DMD: variants seen among roughly 807,000 people sequenced by gnomAD.
DMD encodes dystrophin, also known as mutant dystrophin.
Under a neutral mutation model 330.1 loss-of-function variants are expected in DMD, and 63 were observed. That is an observed-to-expected ratio of 0.19 (90% CI 0.16 to 0.24). The LOEUF (loss-of-function observed/expected upper bound fraction) is 0.24. Ranked by LOEUF, DMD falls within the 10% of genes least tolerant of loss-of-function variation. The pLI is 1.00. For missense variants in DMD, 3,344 were observed against 2,684.1 expected, an observed-to-expected ratio of 1.25 and a Z score of -5.43; for synonymous variants, 1,223 against 959.8, an observed-to-expected ratio of 1.27 and a Z score of -5.07.
chrX:31,238,440 C>A (rs2047941902), intron 63 of DMD, among the ~76,000 whole-genome samples: 1 of 111,837 alleles, frequency 8.9e-6, no homozygotes, highest in Admixed American at 9.5e-5. Context: ...TTTTTGTATG[C>A]AAGTATTCCC....
intron 7 of DMD, among the ~76,000 whole-genome samples, chrX:32,735,578 A>G (rs2068345865): frequency 9.0e-6 from 1 of 111,197 alleles, no homozygotes; most frequent in African/African-American, 3.3e-5. Context: ...ATATAGATCA[A>G]TGGAACAGAA....
intron 9 of DMD, among the ~76,000 whole-genome samples, chrX:32,648,814 T>A (rs1176199782): frequency 8.9e-6 from 1 of 111,879 alleles, no homozygotes. Flanking sequence ...TATGTTTTTA[T>A]CATCACAGAA....
intron 9 of DMD, among the ~76,000 whole-genome samples, chrX:32,653,310 G>C (rs774396726): frequency 8.9e-6 from 1 of 111,732 alleles, no homozygotes; most frequent in African/African-American, 3.3e-5. Context: ...TTAAGTCTTT[G>C]ATCCATCTTG....
At chrX:31,698,035 T>G (rs1159783977) in intron 52 of DMD, among the ~76,000 whole-genome samples, 1 of 112,108 alleles carries the variant, frequency 8.9e-6, no homozygotes, top group Non-Finnish European at 1.9e-5. Flanking sequence ...TAAAGCAAGG[T>G]GCTACTGCTT....
At chrX:32,393,313 G>A (rs1317543374) in intron 30 of DMD, among the ~76,000 whole-genome samples, 1 of 111,351 alleles carries the variant, frequency 9.0e-6, no homozygotes, top group African/African-American at 3.3e-5. Context: ...GAGACAAGGT[G>A]TGGAGACAGG....
At chrX:32,807,687 T>C (rs1005978860) in intron 7 of DMD, among the ~76,000 whole-genome samples, 11 of 111,348 alleles carry the variant, frequency 9.9e-5, no homozygotes, top group African/African-American at 3.3e-4. Context: ...TAAAATTGTT[T>C]TTATTCATTT....
chrX:32,798,747 G>A (rs766693991), intron 7 of DMD, among the ~76,000 whole-genome samples: 4 of 111,339 alleles, frequency 3.6e-5, no homozygotes, highest in Admixed American at 9.6e-5. Flanking sequence ...TATTGCAATC[G>A]CATTAGATTT....
rs1370627309 is a variant in DMD, at chrX:31,774,188, A to G, written c.7314T>C (p.Pro2438=). 8.3e-7 allele frequency: 1 copy of G among 1,198,337 alleles called. No individual in the cohort carries two copies. Among genetic ancestry groups the G allele is most frequent in the Non-Finnish European group, 1.1e-6 (1 of 886,469 alleles). The change falls in exon 51 of 79, where the codon CCT becomes CCC. Residue 2438 remains proline (P), a synonymous_variant. Coordinates refer to ENST00000357033, the MANE Select transcript of DMD (RefSeq NM_004006.3). ...APGLTTIGAS[P]TQTVTLVTQP... ...GTGTCACCAGAGTAACAGTCTGAGTAGGAGCTAAAATATTTTGGGTTTTTG... is the reference window on the plus strand; with the variant it reads ...GTGTCACCAGAGTAACAGTCTGAGTGGGAGCTAAAATATTTTGGGTTTTTG...
chrX:32,750,198 T>C (rs746130587), intron 7 of DMD, among the ~76,000 whole-genome samples: 3 of 112,294 alleles, frequency 2.7e-5, no homozygotes. Context: ...TCATAAACTC[T>C]ATGAAAACTA....
chrX:32,890,409 G>A (rs1473660097), intron 2 of DMD, among the ~76,000 whole-genome samples: 1 of 102,667 alleles, frequency 9.7e-6, no homozygotes, highest in East Asian at 3.1e-4. Context: ...CCAGTCTATT[G>A]ACAGGAGCTG....
chrX:33,290,797 C>T (rs1293657043), intron 1 of DMD, among the ~76,000 whole-genome samples: 1 of 111,182 alleles, frequency 9.0e-6, no homozygotes, highest in Non-Finnish European at 1.9e-5. Flanking sequence ...TTTCTTTCCT[C>T]CTAGCTTAAA....
intron 62 of DMD, among the ~76,000 whole-genome samples, chrX:31,262,888 G>A (rs1469060274): frequency 1.8e-5 from 2 of 112,755 alleles, no homozygotes; most frequent in Non-Finnish European, 3.8e-5. Flanking sequence ...CTCGGAAAGT[G>A]AGTGTATACC....
intron 60 of DMD, among the ~76,000 whole-genome samples, chrX:31,350,616 TGTGTGTGTGTGTGTGTGAGAGA>T (rs1313254200): frequency 1.4e-4 from 7 of 49,429 alleles, no homozygotes; most frequent in African/African-American, 1.5e-4. Flanking sequence ...TGTGTGTGTG[TGTGTGTGTGTGTGTGTGAGAGA>T]GAGAGAGAGA....
intron 47 of DMD, among the ~76,000 whole-genome samples, chrX:31,879,250 G>C (rs1439190227): frequency 9.2e-6 from 1 of 108,274 alleles, no homozygotes; most frequent in Non-Finnish European, 1.9e-5. Context: ...CAAAGGAGAA[G>C]CAAAAACACA....
intron 42 of DMD, among the ~76,000 whole-genome samples, chrX:32,307,735 C>G (rs2097545894): frequency 9.0e-6 from 1 of 111,397 alleles, no homozygotes; most frequent in Non-Finnish European, 1.9e-5. Context: ...CTAAGAAATT[C>G]TGTGTTCATG....
chrX:33,291,513 C>A (rs1264696033), intron 1 of DMD, among the ~76,000 whole-genome samples: 2 of 111,464 alleles, frequency 1.8e-5, no homozygotes, highest in Non-Finnish European at 3.8e-5. Flanking sequence ...GCCTTCTAAT[C>A]ACACTGATGT....
intron 63 of DMD, among the ~76,000 whole-genome samples, chrX:31,257,204 T>C (rs1603243897): frequency 1.2e-5 from 1 of 80,532 alleles, no homozygotes; most frequent in African/African-American, 5.2e-5. Context: ...TGGGCGTCTC[T>C]AGGAATGTGT....
intron 2 of DMD, among the ~76,000 whole-genome samples, chrX:33,001,903 TCTA>T (rs1250575954): frequency 9.0e-6 from 1 of 111,458 alleles, no homozygotes; most frequent in Non-Finnish European, 1.9e-5. Context: ...TTTTAAAATC[TCTA>T]CTTTTATATC....
chrX:31,591,797 A>AT (rs1271209009), intron 55 of DMD, among the ~76,000 whole-genome samples: 18 of 111,127 alleles, frequency 1.6e-4, no homozygotes, highest in Admixed American at 1.3e-3. Flanking sequence ...TGTATTTCTG[A>AT]TTTTTTTCTG....
Sources: gnomAD v4.1 joint callset for allele counts (sites outside exome capture counted in the v4.1 genomes callset) on GRCh38, gnomAD v4.1.1 for gene constraint, MANE v1.5 for transcripts, NCBI Gene and HGNC (gene_info 2026-07-23, HGNC 2026-07-21) for gene names.